ZNF804A: variants seen among roughly 807,000 people sequenced by gnomAD.
The protein encoded by ZNF804A is zinc finger protein 804A.
ZNF804A carries 2 observed loss-of-function variants against 16.5 expected under a neutral mutation model. The ratio of observed to expected loss-of-function variants is 0.12; its 90% CI spans 0.05 to 0.38. The LOEUF (loss-of-function observed/expected upper bound fraction) is 0.38, where lower values mean the gene tolerates loss of function less well. Among genes scored for constraint, ZNF804A ranks in the 10% least tolerant of loss-of-function variants. The pLI is 0.99. For synonymous variants in ZNF804A, 534 were observed against 489.6 expected (o/e 1.09, Z -1.20); for missense variants, 1,473 against 1,390.7 (o/e 1.06, Z -0.94).
chr2:184,770,009 A>G (rs1372696267), intron 1 of ZNF804A, among the ~76,000 whole-genome samples: 1 of 152,118 alleles, frequency 6.6e-6, no homozygotes, highest in Non-Finnish European at 1.5e-5. Flanking sequence ...TGAGTTTCGA[A>G]GAAAGATTGT....
intron 1 of ZNF804A, among the ~76,000 whole-genome samples, chr2:184,701,458 C>T (rs1251291667): frequency 6.6e-6 from 1 of 151,764 alleles, no homozygotes; most frequent in Non-Finnish European, 1.5e-5. Context: ...ATGTTTTAGT[C>T]ATTTTATAAC....
At chr2:184,755,575 A>G (rs1308628619) in intron 1 of ZNF804A, among the ~76,000 whole-genome samples, 2 of 151,982 alleles carry the variant, frequency 1.3e-5, no homozygotes, top group Admixed American at 1.3e-4. Flanking sequence ...TTAGAACGCA[A>G]TAAAAATGGA....
chr2:184,699,335 G>A (rs995725179), intron 1 of ZNF804A, among the ~76,000 whole-genome samples: 1 of 152,210 alleles, frequency 6.6e-6, no homozygotes. Flanking sequence ...ATTTGCATAA[G>A]TAATACCAAT....
chr2:184,907,685 C>T (rs1340210175), intron 2 of ZNF804A, among the ~76,000 whole-genome samples: 2 of 152,162 alleles, frequency 1.3e-5, no homozygotes, highest in Middle Eastern at 3.4e-3. Flanking sequence ...GAAACTATTA[C>T]ACTATTGACT....
At chr2:184,869,570 A>G (rs1023654342) in intron 2 of ZNF804A, among the ~76,000 whole-genome samples, 1 of 152,056 alleles carries the variant, frequency 6.6e-6, no homozygotes, top group Non-Finnish European at 1.5e-5. Flanking sequence ...TGCAGAGTAC[A>G]TGGAAAATAG....
In ZNF804A at chr2:184,728,085, C is replaced by T. The variant is rs116879922; in HGVS notation, c.111+129015C>T. Among the ~76,000 whole-genome samples, 20 of 150,860 alleles carry T rather than the reference C, an allele frequency of 1.3e-4. No individual in the cohort carries two copies. In the East Asian group the frequency reaches 2.9e-3, roughly 22 times the overall value. On this transcript the variant is annotated intron_variant, in intron 1 of 3. Transcript: ENST00000302277. Reference sequence around the variant, plus strand: ...ACCTAAAAATATACTAGTTGAGTAACGCTTGTGAGTAGAGTTTTCAAATGA... The same window carrying T: ...ACCTAAAAATATACTAGTTGAGTAATGCTTGTGAGTAGAGTTTTCAAATGA...
intron 1 of ZNF804A, among the ~76,000 whole-genome samples, chr2:184,647,039 T>C (rs1691888384): frequency 6.6e-6 from 1 of 152,186 alleles, no homozygotes. Context: ...CAGCTAGCTC[T>C]TACTTATAAA....
intron 2 of ZNF804A, among the ~76,000 whole-genome samples, chr2:184,910,789 G>A (rs557822256): frequency 5.9e-5 from 9 of 151,970 alleles, no homozygotes; most frequent in African/African-American, 2.2e-4. Context: ...AGATGTGTCT[G>A]GATGTGTCTT....
chr2:184,894,934 C>A (rs964987365), intron 2 of ZNF804A, among the ~76,000 whole-genome samples: 4 of 139,228 alleles, frequency 2.9e-5, no homozygotes, highest in African/African-American at 8.4e-5. Context: ...ACTTCGTGAT[C>A]CCCCCACGTC....
At chr2:184,835,715 C>T (rs948523460) in intron 1 of ZNF804A, among the ~76,000 whole-genome samples, 8 of 151,052 alleles carry the variant, frequency 5.3e-5, no homozygotes, top group Admixed American at 3.3e-4. Flanking sequence ...TAAGTGGAAC[C>T]GTAAAGGACT....
At chr2:184,861,455 C>T (rs1486524360) in intron 1 of ZNF804A, among the ~76,000 whole-genome samples, 1 of 152,132 alleles carries the variant, frequency 6.6e-6, no homozygotes, top group Non-Finnish European at 1.5e-5. Flanking sequence ...TTTCCATCAT[C>T]TTGCTGACAT....
At chr2:184,932,445 A>T (rs1574276338) in intron 2 of ZNF804A, among the ~76,000 whole-genome samples, 1 of 152,148 alleles carries the variant, frequency 6.6e-6, no homozygotes, top group Non-Finnish European at 1.5e-5. Context: ...ATGTGCAAGG[A>T]AACTCCTCTT....
intron 2 of ZNF804A, among the ~76,000 whole-genome samples, chr2:184,871,295 TGTGAGCTTTG>T (rs1056579069): frequency 4.6e-5 from 7 of 151,758 alleles, no homozygotes; most frequent in South Asian, 2.1e-4. Flanking sequence ...TAGATACCAC[TGTGAGCTTTG>T]TAACCTGGGA....
chr2:184,607,582 T>TC (rs966802851), intron 1 of ZNF804A, among the ~76,000 whole-genome samples: 2 of 151,316 alleles, frequency 1.3e-5, no homozygotes, highest in Admixed American at 6.6e-5. Flanking sequence ...TCCCACCAGG[T>TC]CCCCCCCTTC....
chr2:184,929,829 T>C (rs1001713442), intron 2 of ZNF804A, among the ~76,000 whole-genome samples: 2 of 152,156 alleles, frequency 1.3e-5, no homozygotes, highest in South Asian at 2.1e-4. Context: ...CAACCCTTTT[T>C]TTCTAGTTAA....
At chr2:184,630,551 G>C (rs1691589411) in intron 1 of ZNF804A, among the ~76,000 whole-genome samples, 1 of 152,156 alleles carries the variant, frequency 6.6e-6, no homozygotes, top group African/African-American at 2.4e-5. Context: ...AAAGCAAAAA[G>C]AGTGTTCCAC....
intron 2 of ZNF804A, among the ~76,000 whole-genome samples, chr2:184,906,111 A>T (rs1484522628): frequency 6.6e-6 from 1 of 152,148 alleles, no homozygotes; most frequent in Admixed American, 6.5e-5. Flanking sequence ...TGGAAAGGAG[A>T]TATTTGATGT....
chr2:184,875,457 G>T (rs1039825643), intron 2 of ZNF804A, among the ~76,000 whole-genome samples: 6 of 152,170 alleles, frequency 3.9e-5, no homozygotes, highest in Non-Finnish European at 2.9e-5. Flanking sequence ...ATCTTCCCAT[G>T]CTGGCTCCCC....
chr2:184,810,471 T>C (rs1214203697), intron 1 of ZNF804A, among the ~76,000 whole-genome samples: 1 of 151,406 alleles, frequency 6.6e-6, no homozygotes, highest in African/African-American at 2.4e-5. Flanking sequence ...TGAAACATTT[T>C]TATGTTCTTT....
Sources: allele counts gnomAD v4.1 joint callset (sites outside exome capture counted in the v4.1 genomes callset), GRCh38; gene constraint gnomAD v4.1.1; transcripts MANE v1.5; gene names NCBI Gene and HGNC (gene_info 2026-07-23, HGNC 2026-07-21).